Variants in SIGLECL1 observed in about 807,000 individuals in gnomAD.
SIGLECL1 encodes SIGLEC family-like protein 1.
A neutral mutation model predicts 19.1 loss-of-function variants in SIGLECL1; 16 were observed. That is an observed-to-expected ratio of 0.84 (90% CI 0.57 to 1.27). The LOEUF (loss-of-function observed/expected upper bound fraction) is 1.27, where lower values mean the gene tolerates loss of function less well. Ranked by LOEUF, SIGLECL1 falls within the 50% of genes most tolerant of loss-of-function variation. SIGLECL1 has a pLI of 0.00. For missense variants in SIGLECL1, 210 were observed against 239.4 expected (o/e 0.88, Z 0.81); for synonymous variants, 89 against 90.4 (o/e 0.98, Z 0.09).
At chr19:51,246,978 A>C (rs2064437208), upstream of SIGLECL1, among the ~76,000 whole-genome samples, 1 of 152,254 alleles carries the variant, frequency 6.6e-6, no homozygotes, top group South Asian at 2.1e-4. Flanking sequence ...ATGCACTCTT[A>C]CATGTAGACA....
intron 1 of SIGLECL1, among the ~76,000 whole-genome samples, chr19:51,252,153 T>C (rs273643): frequency 0.66 from 100,150 of 151,910 alleles, 34,434 homozygotes; most frequent in African/African-American, 0.85. Flanking sequence ...AAAAATTAGA[T>C]GGGCATCGTG....
intron 5 of SIGLECL1, among the ~76,000 whole-genome samples, chr19:51,268,253 G>A (rs1343974142): frequency 6.6e-6 from 1 of 152,178 alleles, no homozygotes. Context: ...CTTCACAGTA[G>A]GGGATGCTGA....
upstream of SIGLECL1, among the ~76,000 whole-genome samples, chr19:51,250,705 G>C (rs7253831): frequency 2.0e-5 from 3 of 152,062 alleles, no homozygotes; most frequent in African/African-American, 7.2e-5. Context: ...GGCTGGAAAG[G>C]CCTTGCTGGG....
In SIGLECL1 at chr19:51,265,322, G is replaced by A. The variant is rs747074504; in HGVS notation, c.23-46G>A. 82 of 1,554,024 alleles carry A rather than the reference G, an allele frequency of 5.3e-5. No individual in the cohort carries two copies. In the Admixed American group the frequency reaches 1.1e-3, roughly 21 times the overall value. On this transcript the variant is annotated intron_variant, in intron 2 of 5. Coordinates refer to ENST00000601727, the MANE Select transcript of SIGLECL1 (RefSeq NM_001385465.1). ...GCTGCATGCTGGAGAAACTGGAAGA[G>A]GGAAGCCAGGATGCCTTGCTGACTC...
upstream of SIGLECL1, chr19:51,250,977 A>G (rs1266966549): frequency 2.0e-5 from 3 of 152,252 alleles, no homozygotes; most frequent in Non-Finnish European, 4.4e-5. Context: ...TGGCTGCAAC[A>G]TAAGCCCATG....
Position 51,265,362 on chromosome 19 carries a change from C to T in SIGLECL1, c.23-6C>T. 2 of 1,599,188 alleles carry T rather than the reference C, an allele frequency of 1.3e-6. No individual in the cohort carries two copies. The highest frequency in any genetic ancestry group is 1.7e-6 in the Non-Finnish European group (2 of 1,168,756). The stretch of plus-strand genomic sequence containing the variant: ...CTTGCTGACTCCTGACCCTTCCTCC[C>T]CACAGTACCTGCTAAGCTGCTCAAC... On this transcript the variant is annotated splice_region_variant and splice_polypyrimidine_tract_variant and intron_variant, in intron 2 of 5. Coordinates refer to ENST00000601727, the MANE Select transcript of SIGLECL1 (RefSeq NM_001385465.1).
At chr19:51,246,682 A>G (rs1382677731), upstream of SIGLECL1, among the ~76,000 whole-genome samples, 1 of 152,100 alleles carries the variant, frequency 6.6e-6, no homozygotes, top group Non-Finnish European at 1.5e-5. Context: ...CTGGGCCTTG[A>G]GCATAACAAG....
intron 1 of SIGLECL1, chr19:51,257,646 C>G (rs1982904084): frequency 6.6e-6 from 1 of 152,120 alleles, no homozygotes; most frequent in African/African-American, 2.4e-5. Flanking sequence ...CTTTGTTTGC[C>G]CAGGGACCTT....
intron 1 of SIGLECL1, among the ~76,000 whole-genome samples, chr19:51,262,704 C>T (rs571017779): frequency 6.6e-6 from 1 of 152,150 alleles, no homozygotes; most frequent in South Asian, 2.1e-4. Flanking sequence ...TATGGCTGTC[C>T]AGTTATTCTG....
At chr19:51,246,558 G>C (rs566774530), upstream of SIGLECL1, among the ~76,000 whole-genome samples, 8 of 152,082 alleles carry the variant, frequency 5.3e-5, no homozygotes, top group Admixed American at 6.6e-5. Context: ...CATAACAACT[G>C]TCTCAGCACT....
rs548993528 is a variant in SIGLECL1 at position 51,265,245 on chromosome 19, G to A, written c.23-123G>A. On this transcript the variant is annotated intron_variant, in intron 2 of 5. Transcript: ENST00000601727. ...TGGTCTGGGAGGCCTGAATCCTGTG[G>A]GCTTCCAGAAAGTCCTTCTGAAGCT... The A allele has an allele frequency of 6.2e-5, 68 of 1,094,216 alleles. No individual in the cohort carries two copies. In the African/African-American group the frequency reaches 9.5e-4, roughly 15 times the overall value. The allele number at this position is 1,094,216 out of a possible 1,614,324, so 67.8% of individuals were successfully genotyped here.
chr19:51,267,563 C>CG, intron 5 of SIGLECL1, 34 bp downstream of exon 5: 1 of 1,608,674 alleles, frequency 6.2e-7, no homozygotes, highest in South Asian at 1.1e-5. Flanking sequence ...TCTAGTCTAT[C>CG]GGAATACTGA....
intron 1 of SIGLECL1, among the ~76,000 whole-genome samples, chr19:51,259,575 G>T (rs1252567712): frequency 6.6e-6 from 1 of 152,222 alleles, no homozygotes. Context: ...TTTGGGGCCA[G>T]AAAATTTCCA....
intron 5 of SIGLECL1, among the ~76,000 whole-genome samples, 175 bp downstream of exon 5, chr19:51,267,704 GA>G (rs1228536580): frequency 6.6e-6 from 1 of 152,138 alleles, no homozygotes; most frequent in African/African-American, 2.4e-5. Context: ...CCAGAGAGGA[GA>G]AGGATGAAAG....
At chr19:51,264,433 C>A (rs1169325272) in intron 2 of SIGLECL1, 1 of 256,578 alleles carries the variant, frequency 3.9e-6, no homozygotes, top group Non-Finnish European at 7.6e-6. Context: ...GTGGAAAAGA[C>A]AATTCAGAGG....
chr19:51,266,991 G>A (rs1983729395), intron 4 of SIGLECL1, among the ~76,000 whole-genome samples: 1 of 152,142 alleles, frequency 6.6e-6, no homozygotes, highest in African/African-American at 2.4e-5. Context: ...TGGGGCAAGT[G>A]ATGAGGGGCA....
chr19:51,247,332 C>T (rs1982296930), upstream of SIGLECL1, among the ~76,000 whole-genome samples: 1 of 152,216 alleles, frequency 6.6e-6, no homozygotes, highest in Non-Finnish European at 1.5e-5. Flanking sequence ...TGAACTAGAG[C>T]CTTCCTCCTC....
intron 1 of SIGLECL1, among the ~76,000 whole-genome samples, chr19:51,258,440 G>A (rs1982962719): frequency 1.3e-5 from 2 of 152,224 alleles, no homozygotes; most frequent in African/African-American, 4.8e-5. Context: ...GTTACAGGAG[G>A]TAAAAGTTAC....
chr19:51,259,049 G>T (rs2123411830), intron 1 of SIGLECL1, among the ~76,000 whole-genome samples: 1 of 152,300 alleles, frequency 6.6e-6, no homozygotes, highest in Non-Finnish European at 1.5e-5. Flanking sequence ...ACCCCTAACT[G>T]AAGACCCAAA....
Sources: gnomAD v4.1 joint callset for allele counts (sites outside exome capture counted in the v4.1 genomes callset) on GRCh38, gnomAD v4.1.1 for gene constraint, MANE v1.5 for transcripts, NCBI Gene and HGNC (gene_info 2026-07-23, HGNC 2026-07-21) for gene names.